HS3ST5: variants seen among roughly 807,000 people sequenced by gnomAD.
HS3ST5 encodes heparan sulfate-glucosamine 3-sulfotransferase 5, also known as heparan sulfate glucosamine 3-O-sulfotransferase 5.
HS3ST5 carries 10 observed loss-of-function variants against 25.4 expected under a neutral mutation model. The ratio of observed to expected loss-of-function variants is 0.39; its 90% CI spans 0.24 to 0.67. The LOEUF (loss-of-function observed/expected upper bound fraction) is 0.67. Among genes scored for constraint, HS3ST5 ranks in the 30% least tolerant of loss-of-function variants. The probability of loss-of-function intolerance (pLI) is 0.44; values close to 1 mark genes in which losing one functional copy is unlikely to be tolerated. For synonymous variants in HS3ST5, 170 were observed against 162.4 expected (o/e 1.05, Z -0.36); for missense variants, 324 against 420.7 (o/e 0.77, Z 2.01).
chr6:114,198,830 AG>A (rs1326190022), intron 2 of HS3ST5, among the ~76,000 whole-genome samples: 17 of 152,112 alleles, frequency 1.1e-4, no homozygotes, highest in Admixed American at 1.1e-3. Flanking sequence ...AGATAATCAC[AG>A]GTTGTATGCC....
chr6:114,248,270 A>G lies in HS3ST5; in HGVS notation c.-338-19492T>C, dbSNP rs1169323235. ...TCACTATGGGCTCCACTAATTATAC[A>G]TACATATGAATGTGAATCCTTTTGG... On this transcript the variant is annotated intron_variant, in intron 1 of 4. Transcript: ENST00000312719. Among the ~76,000 whole-genome samples the G allele has an allele frequency of 2.0e-5, 3 of 149,832 alleles. No homozygotes were observed. The South Asian group carries it at 6.2e-4, about 31-fold the overall frequency.
At chr6:114,061,675 C>T (rs892416342) in intron 4 of HS3ST5, among the ~76,000 whole-genome samples, 9 of 152,168 alleles carry the variant, frequency 5.9e-5, no homozygotes, top group Non-Finnish European at 1.2e-4. Context: ...GCCAGCCAGG[C>T]ACAGTGGTTC....
intron 1 of HS3ST5, among the ~76,000 whole-genome samples, chr6:114,278,155 G>T (rs1773948463): frequency 6.6e-6 from 1 of 151,924 alleles, no homozygotes; most frequent in East Asian, 1.9e-4. Flanking sequence ...AAAGGAGCAG[G>T]TTTACATGTG....
chr6:114,217,615 T>C (rs1312355200), intron 2 of HS3ST5, among the ~76,000 whole-genome samples: 1 of 152,186 alleles, frequency 6.6e-6, no homozygotes, highest in Non-Finnish European at 1.5e-5. Context: ...CCTTACAATG[T>C]AGTTTACAAT....
intron 3 of HS3ST5, among the ~76,000 whole-genome samples, chr6:114,118,479 A>G (rs1434629706): frequency 6.6e-6 from 1 of 152,202 alleles, no homozygotes; most frequent in Non-Finnish European, 1.5e-5. Context: ...TAAACAATCT[A>G]TATATAAGAA....
chr6:114,298,708 C>T (rs1432111565), intron 1 of HS3ST5, among the ~76,000 whole-genome samples: 1 of 152,226 alleles, frequency 6.6e-6, no homozygotes, highest in Non-Finnish European at 1.5e-5. Flanking sequence ...ATTTCATGGA[C>T]ATTTATTAGT....
At chr6:114,169,760 G>A (rs1447380175) in intron 2 of HS3ST5, among the ~76,000 whole-genome samples, 1 of 152,040 alleles carries the variant, frequency 6.6e-6, no homozygotes, top group African/African-American at 2.4e-5. Flanking sequence ...ACTCAAGAGG[G>A]CACTCAACAT....
intron 3 of HS3ST5, among the ~76,000 whole-genome samples, chr6:114,065,750 G>C (rs994018995): frequency 6.6e-5 from 10 of 152,180 alleles, no homozygotes; most frequent in African/African-American, 2.4e-4. Flanking sequence ...CAAAGGGAAT[G>C]GATGGGAAAA....
At chr6:114,111,130 A>G (rs898583693) in intron 3 of HS3ST5, among the ~76,000 whole-genome samples, 2 of 152,156 alleles carry the variant, frequency 1.3e-5, no homozygotes, top group African/African-American at 4.8e-5. Context: ...AAGTATATGC[A>G]TGGGCCTGGA....
chr6:114,332,030 T>G (rs893074816), intron 1 of HS3ST5, among the ~76,000 whole-genome samples: 29 of 152,030 alleles, frequency 1.9e-4, no homozygotes, highest in African/African-American at 6.0e-4. Context: ...ACCTCAGAAA[T>G]GAGCTCATGG....
chr6:114,057,663 T>G lies in HS3ST5; in HGVS notation c.635A>C (p.Lys212Thr). ...RKNKTYYKFE[K>T]LAIDPNTCEV... ...GCATGTATTAGGGTCTATGGCCAGC[T>G]TCTCAAACTTGTAATAAGTTTTGTT... Residue 212 changes from lysine (K) to threonine (T), a missense_variant, in exon 5 of 5, where the codon AAG becomes ACG. Lys to Thr is a moderately conservative substitution (Grantham distance 78). Coordinates refer to ENST00000312719, the MANE Select transcript of HS3ST5 (RefSeq NM_153612.4). 1 of 1,614,212 alleles carries G rather than the reference T, an allele frequency of 6.2e-7. No homozygotes were observed.
At chr6:114,275,389 G>A (rs1181478458) in intron 1 of HS3ST5, among the ~76,000 whole-genome samples, 1 of 151,986 alleles carries the variant, frequency 6.6e-6, no homozygotes, top group Non-Finnish European at 1.5e-5. Flanking sequence ...TTCACACAGT[G>A]TTACTAAACT....
intron 2 of HS3ST5, among the ~76,000 whole-genome samples, chr6:114,221,352 T>C (rs1782026477): frequency 6.6e-6 from 1 of 152,018 alleles, no homozygotes; most frequent in Non-Finnish European, 1.5e-5. Flanking sequence ...AAAATATGTA[T>C]TCGAATTTAA....
chr6:114,149,665 T>C lies in HS3ST5; in HGVS notation c.-33+18686A>G, dbSNP rs1317554777. 3.3e-5 allele frequency among the ~76,000 whole-genome samples: 5 copies of C among 152,154 alleles called. No homozygotes were observed. In the East Asian group the frequency reaches 9.7e-4, roughly 29 times the overall value. On this transcript the variant is annotated intron_variant, in intron 3 of 4. Transcript: ENST00000312719. ...AAAACTTAGATGGTGGGTTGATAGG[T>C]GCAGCAAACCACCATGGCACATGTA...
At chr6:114,138,170 T>C (rs941799968) in intron 3 of HS3ST5, among the ~76,000 whole-genome samples, 1 of 152,178 alleles carries the variant, frequency 6.6e-6, no homozygotes, top group African/African-American at 2.4e-5. Flanking sequence ...TTTACATTCA[T>C]TCATTGAACA....
At chr6:114,148,653 C>T (rs552957595) in intron 3 of HS3ST5, among the ~76,000 whole-genome samples, 51 of 152,016 alleles carry the variant, frequency 3.4e-4, no homozygotes, top group Middle Eastern at 6.8e-3. Flanking sequence ...TAGAAGAAAA[C>T]GTAGGCAATA....
intron 3 of HS3ST5, among the ~76,000 whole-genome samples, chr6:114,068,750 T>C (rs1773613075): frequency 6.6e-6 from 1 of 152,226 alleles, no homozygotes; most frequent in Admixed American, 6.5e-5. Flanking sequence ...AGTTTATTAT[T>C]TCTTTTTATA....
At chr6:114,262,782 C>T (rs1241069657) in intron 1 of HS3ST5, among the ~76,000 whole-genome samples, 1 of 152,034 alleles carries the variant, frequency 6.6e-6, no homozygotes, top group Non-Finnish European at 1.5e-5. Flanking sequence ...GCATGGGAGA[C>T]TATGAACTAT....
At chr6:114,146,743 CAT>C (rs1224016190) in intron 3 of HS3ST5, among the ~76,000 whole-genome samples, 3 of 152,114 alleles carry the variant, frequency 2.0e-5, no homozygotes, top group African/African-American at 7.2e-5. Flanking sequence ...GATGAGGTCT[CAT>C]GTGATTTGGT....
Sources: allele counts gnomAD v4.1 joint callset (sites outside exome capture counted in the v4.1 genomes callset), GRCh38; gene constraint gnomAD v4.1.1; transcripts MANE v1.5; gene names NCBI Gene and HGNC (gene_info 2026-07-23, HGNC 2026-07-21).